Variants in CEP44 observed in about 807,000 individuals in gnomAD.
CEP44 encodes centrosomal protein 44, also known as centrosomal protein of 44 kDa.
Under a neutral mutation model 46.7 loss-of-function variants are expected in CEP44, and 45 were observed. The observed-to-expected ratio is 0.96, with a 90% CI of 0.76 to 1.24. The LOEUF (loss-of-function observed/expected upper bound fraction) is 1.24. CEP44 is among the 50% of genes most tolerant of loss of function. The probability of loss-of-function intolerance (pLI) is 0.00; values close to 1 mark genes in which losing one functional copy is unlikely to be tolerated. For synonymous variants in CEP44, 142 were observed against 146.0 expected (o/e 0.97, Z 0.20); for missense variants, 475 against 459.7 (o/e 1.03, Z -0.30).
At chr4:174,295,167 A>C (rs1203497123) in intron 1 of CEP44, among the ~76,000 whole-genome samples, 1 of 151,638 alleles carries the variant, frequency 6.6e-6, no homozygotes, top group African/African-American at 2.4e-5. Context: ...GCTGCCGGGC[A>C]GAGACGCTCC....
intron 1 of CEP44, among the ~76,000 whole-genome samples, chr4:174,285,788 C>T: frequency 6.6e-6 from 1 of 152,122 alleles, no homozygotes; most frequent in Non-Finnish European, 1.5e-5. Context: ...TGGCAAAATC[C>T]AAGAATACAT....
At chr4:174,315,280 G>A (rs1282747429) in intron 9 of CEP44, among the ~76,000 whole-genome samples, 1 of 149,494 alleles carries the variant, frequency 6.7e-6, no homozygotes, top group Non-Finnish European at 1.5e-5. Flanking sequence ...TATTCTGACT[G>A]AAACACAGGG....
In CEP44 at chr4:174,311,653, A is replaced by ATT. The variant is rs201684644; in HGVS notation, c.961+797_961+798dup. Among the ~76,000 whole-genome samples the ATT allele has an allele frequency of 0.013, 1,926 of 152,288 alleles. 29 individuals carry two copies. The highest frequency in any genetic ancestry group is 0.024 in the Middle Eastern group (7 of 294). ...ACGATTCTAACTACTATATTAACTC[A>ATT]TTTAATTCTTGAAGTAACCATTGCA... is the stretch of plus-strand genomic sequence containing the variant. On this transcript the variant is annotated intron_variant, in intron 9 of 11. Transcript: ENST00000503780. The surrounding 1 kb of genome is among the most constrained non-coding windows in gnomAD (Gnocchi z 4.4).
At chr4:174,298,384 C>T (rs1202218319) in intron 2 of CEP44, among the ~76,000 whole-genome samples, 1 of 151,584 alleles carries the variant, frequency 6.6e-6, no homozygotes, top group African/African-American at 2.4e-5. Context: ...ACCGTTTTAG[C>T]CGGGATGGTC....
rs1742194303 is a variant in CEP44 at position 174,320,274 on chromosome 4, A to G, written c.*2891A>G. On this transcript the variant is annotated 3_prime_UTR_variant, in exon 12 of 12. Coordinates refer to ENST00000503780, the MANE Select transcript of CEP44 (RefSeq NM_001040157.3). Reference sequence around the variant, plus strand: ...CTATCATGTTTGCTTGTTTTCCTCTACTGTTTTTAATGTGATGTTGTAATA... The same window carrying G: ...CTATCATGTTTGCTTGTTTTCCTCTGCTGTTTTTAATGTGATGTTGTAATA... 1.0e-6 allele frequency: 1 copy of G among 982,164 alleles called. No homozygotes were observed. The highest frequency in any genetic ancestry group is 1.1e-4 in the East Asian group (1 of 8,770). 60.8% of individuals were successfully genotyped at this position (982,164 alleles called of 1,614,324 possible). A position where few individuals can be genotyped will look rare whatever the true frequency, so the allele number is the denominator to read the frequency against.
rs1740933019 is a variant in CEP44 at position 174,310,288 on chromosome 4, A to G, written c.885+232A>G. On this transcript the variant is annotated intron_variant, in intron 8 of 11. Transcript: ENST00000503780. The surrounding 1 kb of genome is among the most constrained non-coding windows in gnomAD (Gnocchi z 4.2). Reference sequence around the variant, plus strand: ...AAACTTGTCAGTTGAGCTTTTACAGATGTTAATAATGCTTGAAGAATTTAA... The same window carrying G: ...AAACTTGTCAGTTGAGCTTTTACAGGTGTTAATAATGCTTGAAGAATTTAA... 6.6e-6 allele frequency among the ~76,000 whole-genome samples: 1 copy of G among 152,014 alleles called. No individual in the cohort carries two copies. The highest frequency in any genetic ancestry group is 1.5e-5 in the Non-Finnish European group (1 of 67,892).
At chr4:174,330,479 A>G (rs1731261504) in intron 8 of CEP44, among the ~76,000 whole-genome samples, 1 of 150,762 alleles carries the variant, frequency 6.6e-6, no homozygotes, top group East Asian at 1.9e-4. Flanking sequence ...ACAGAGTGAG[A>G]CTTCGTCTCA....
At chr4:174,313,055 G>A (rs570290698) in intron 9 of CEP44, among the ~76,000 whole-genome samples, 56 of 152,054 alleles carry the variant, frequency 3.7e-4, no homozygotes, top group Non-Finnish European at 7.2e-4. Context: ...GGGAGCAGGA[G>A]CAATTTGATG....
chr4:174,304,171 A>G, intron 5 of CEP44, 76 bp from the exon 6 acceptor site: 6 of 1,444,954 alleles, frequency 4.2e-6, no homozygotes, highest in Non-Finnish European at 3.7e-6. Context: ...TGAAAATTTA[A>G]ATGTTAATGG....
chr4:174,292,292 CTCTG>C (rs1372072402), intron 1 of CEP44, among the ~76,000 whole-genome samples: 1 of 152,044 alleles, frequency 6.6e-6, no homozygotes, highest in African/African-American at 2.4e-5. Context: ...AAAATTTTTT[CTCTG>C]TCTTTGAATT....
chr4:174,316,534 C>T lies in CEP44; in HGVS notation c.1091C>T (p.Thr364Ile). ...TTGTTGCTTTTTAAATTAAAGGAAACAACAATCCAGAAAATGGAAAGGATG... is the reference window on the plus strand; with the variant it reads ...TTGTTGCTTTTTAAATTAAAGGAAATAACAATCCAGAAAATGGAAAGGATG... ...YCGLNEISEE[T>I]TIQKMERMKK... Residue 364 changes from threonine (T) to isoleucine (I), a missense_variant, in exon 11 of 12, where the codon ACA (threonine) becomes ATA (isoleucine). Transcript: ENST00000503780. 1 of 1,586,280 alleles carries T rather than the reference C, an allele frequency of 6.3e-7. No homozygotes were observed. The highest frequency in any genetic ancestry group is 8.6e-7 in the Non-Finnish European group (1 of 1,165,138).
chr4:174,302,097 TACTC>T lies in CEP44; in HGVS notation c.151_154del (p.Ser51LeufsTer3). 6.2e-7 allele frequency: 1 copy of T among 1,612,472 alleles called. No individual in the cohort carries two copies. Among genetic ancestry groups the T allele is most frequent in the Non-Finnish European group, 8.5e-7 (1 of 1,179,416 alleles). On this transcript the variant is annotated frameshift_variant, in exon 4 of 12. Coordinates refer to ENST00000503780, the MANE Select transcript of CEP44 (RefSeq NM_001040157.3). LOFTEE classifies it high-confidence loss of function. ...CATCATCAGCTATTCTTTTACCTCA[TACTC>T]ACCTTATGTAACAGAACTTATAATG...
At chr4:174,308,033 G>A (rs956536348) in intron 6 of CEP44, among the ~76,000 whole-genome samples, 11 of 152,152 alleles carry the variant, frequency 7.2e-5, no homozygotes, top group African/African-American at 2.4e-4. Context: ...TTCAACCACC[G>A]TGGAAGACAG....
At chr4:174,307,935 A>T (rs184264753) in intron 6 of CEP44, among the ~76,000 whole-genome samples, 3 of 152,256 alleles carry the variant, frequency 2.0e-5, no homozygotes, top group East Asian at 1.9e-4. Context: ...CAGAATGACT[A>T]TTATTAAAAA....
At chr4:174,285,844 G>A (rs1737533662) in intron 1 of CEP44, among the ~76,000 whole-genome samples, 1 of 152,160 alleles carries the variant, frequency 6.6e-6, no homozygotes, top group South Asian at 2.1e-4. Flanking sequence ...TGTTTTTCAG[G>A]AAAGTAAAGG....
intron 9 of CEP44, among the ~76,000 whole-genome samples, chr4:174,315,087 A>G (rs2126658344): frequency 6.6e-6 from 1 of 152,284 alleles, no homozygotes; most frequent in East Asian, 1.9e-4. Context: ...AAGTAGGCAA[A>G]AGAGACTGTG....
intron 1 of CEP44, among the ~76,000 whole-genome samples, chr4:174,292,044 A>T (rs529020484): frequency 2.0e-4 from 30 of 152,074 alleles, no homozygotes; most frequent in African/African-American, 6.7e-4. Flanking sequence ...GCCTGCCCTC[A>T]GCCTCCTCAA....
chr4:174,333,051 A>G (rs1258415816), exon 9 of CEP44: 4 of 152,210 alleles, frequency 2.6e-5, no homozygotes, highest in African/African-American at 7.2e-5. Flanking sequence ...TTATAGAAAC[A>G]TTTTAGATAA....
rs930542274 is a variant in CEP44 at position 174,316,172 on chromosome 4, A to G, written c.968A>G (p.Lys323Arg). The change falls in exon 10 of 12, where the codon AAA becomes AGA. Residue 323 changes from lysine to arginine, a missense_variant. Physicochemically the swap from Lys to Arg is conservative, Grantham distance 26. Coordinates refer to ENST00000503780, the MANE Select transcript of CEP44 (RefSeq NM_001040157.3). ...SDMDLLNPHR[K>R]SEVERPASIP... ...AAACTTAATTTCTTCACAGACAGAA[A>G]AAGCGAAGTAGAGAGGCCAGCAAGT... 4 of 1,611,254 alleles carry G rather than the reference A, an allele frequency of 2.5e-6. No homozygotes were observed. Among genetic ancestry groups the G allele is most frequent in the Non-Finnish European group, 3.4e-6 (4 of 1,179,416 alleles).
Sources: gnomAD v4.1 joint callset for allele counts (sites outside exome capture counted in the v4.1 genomes callset) on GRCh38, gnomAD v4.1.1 for gene constraint, Gnocchi (gnomAD v3.1) non-coding constraint, MANE v1.5 for transcripts, NCBI Gene and HGNC (gene_info 2026-07-23, HGNC 2026-07-21) for gene names.